The following MBNL1 variants were observed in gnomAD, a reference collection of about 807,000 sequenced individuals.
The protein encoded by MBNL1 is muscleblind-like protein 1.
A neutral mutation model predicts 42.2 loss-of-function variants in MBNL1; 8 were observed. That is an observed-to-expected ratio of 0.19 (90% CI 0.11 to 0.34). MBNL1 has a LOEUF of 0.34. Among genes scored for constraint, MBNL1 ranks in the 10% least tolerant of loss-of-function variants. MBNL1 has a pLI of 1.00. For missense variants in MBNL1, 309 were observed against 495.3 expected, an observed-to-expected ratio of 0.62 and a Z score of 3.57; for synonymous variants, 169 against 173.9, an observed-to-expected ratio of 0.97 and a Z score of 0.22.
At chr3:152,332,723 TGTGTGTGTGTGTGTGTGCGCGCGC>T (rs2085766280) in intron 2 of MBNL1, among the ~76,000 whole-genome samples, 1 of 129,226 alleles carries the variant, frequency 7.7e-6, no homozygotes, top group African/African-American at 3.2e-5. Flanking sequence ...TGTGTGTGTG[TGTGTGTGTGTGTGTGTGCGCGCGC>T]GCATGCGCAC....
At chr3:152,339,711 A>C (rs567246476) in intron 2 of MBNL1, 4 of 152,218 alleles carry the variant, frequency 2.6e-5, no homozygotes, top group South Asian at 2.1e-4. Context: ...CCAAAAATGC[A>C]ACTTAATTTT....
chr3:152,278,395 C>T (rs1397643375), intron 1 of MBNL1, among the ~76,000 whole-genome samples: 1 of 152,084 alleles, frequency 6.6e-6, no homozygotes, highest in Admixed American at 6.6e-5. Context: ...GGAGTAGTCT[C>T]TCTGAAGCAT....
At chr3:152,296,137 T>C (rs747910113) in intron 1 of MBNL1, among the ~76,000 whole-genome samples, 3 of 152,160 alleles carry the variant, frequency 2.0e-5, no homozygotes, top group Non-Finnish European at 4.4e-5. Context: ...GATGACTCTT[T>C]AGATATTTGC....
intron 2 of MBNL1, among the ~76,000 whole-genome samples, chr3:152,355,881 C>T (rs2095478836): frequency 6.6e-6 from 1 of 152,322 alleles, no homozygotes; most frequent in Non-Finnish European, 1.5e-5. Context: ...AAAATCATAG[C>T]ATGCGGAAGC....
chr3:152,404,095 G>A (rs1203638070), intron 2 of MBNL1, among the ~76,000 whole-genome samples: 2 of 152,182 alleles, frequency 1.3e-5, no homozygotes, highest in Non-Finnish European at 2.9e-5. Context: ...TGTGAGGTCA[G>A]AAATTGACAG....
At chr3:152,257,153 C>CGT (rs2035563507) in intron 2 of MBNL1, among the ~76,000 whole-genome samples, 1 of 152,038 alleles carries the variant, frequency 6.6e-6, no homozygotes, top group Admixed American at 6.6e-5. Context: ...TTTTTAAGTG[C>CGT]GTGTGTGTGA....
chr3:152,385,648 A>G (rs1238565080), intron 2 of MBNL1, among the ~76,000 whole-genome samples: 3 of 152,110 alleles, frequency 2.0e-5, no homozygotes, highest in African/African-American at 7.2e-5. Context: ...TATGCATAAT[A>G]AATCAAGACA....
intron 1 of MBNL1, among the ~76,000 whole-genome samples, chr3:152,270,056 C>G (rs1305273171): frequency 6.6e-6 from 1 of 151,958 alleles, no homozygotes; most frequent in Non-Finnish European, 1.5e-5. Context: ...CACTTTACAA[C>G]TACAGGGGTG....
intron 2 of MBNL1, among the ~76,000 whole-genome samples, chr3:152,389,232 G>T (rs2097571724): frequency 6.6e-6 from 1 of 152,076 alleles, no homozygotes; most frequent in Non-Finnish European, 1.5e-5. Flanking sequence ...GGGACTACAG[G>T]CATGCATCAC....
intron 2 of MBNL1, among the ~76,000 whole-genome samples, chr3:152,402,187 A>G (rs9917622): frequency 0.35 from 52,524 of 151,982 alleles, 9,276 homozygotes; most frequent in Middle Eastern, 0.43. Context: ...AATTGACCTG[A>G]GTGATGGGAA....
intron 4 of MBNL1, among the ~76,000 whole-genome samples, chr3:152,435,543 A>C (rs908440095): frequency 6.6e-6 from 1 of 152,116 alleles, no homozygotes; most frequent in Non-Finnish European, 1.5e-5. Context: ...ATTCCATATG[A>C]ATTTTTAAAT....
At chr3:152,382,712 G>A (rs972466634) in intron 2 of MBNL1, among the ~76,000 whole-genome samples, 1 of 152,092 alleles carries the variant, frequency 6.6e-6, no homozygotes. Context: ...GTTTCTTTCT[G>A]TTCCATTATC....
intron 2 of MBNL1, among the ~76,000 whole-genome samples, chr3:152,330,211 T>G (rs2083382762): frequency 6.6e-6 from 1 of 152,116 alleles, no homozygotes; most frequent in Admixed American, 6.6e-5. Flanking sequence ...AACTTCTGGG[T>G]TCAAGCGATC....
At chr3:152,396,146 A>G in intron 2 of MBNL1, 1 of 341,594 alleles carries the variant, frequency 2.9e-6, no homozygotes, top group East Asian at 1.1e-4. Flanking sequence ...ATGATCAGTC[A>G]CTGTCTCCTG....
At chr3:152,425,511 G>A (rs1459112678) in intron 3 of MBNL1, among the ~76,000 whole-genome samples, 6 of 151,998 alleles carry the variant, frequency 3.9e-5, no homozygotes, top group African/African-American at 1.4e-4. Flanking sequence ...AGGAGGCTGA[G>A]GCAAGAGAAT....
chr3:152,378,370 CAA>C (rs965428125), intron 2 of MBNL1, among the ~76,000 whole-genome samples: 2 of 151,984 alleles, frequency 1.3e-5, no homozygotes, highest in African/African-American at 4.8e-5. Flanking sequence ...TCTAGCTACT[CAA>C]GAGAGATATA....
At chr3:152,344,061 C>A (rs35497717) in intron 2 of MBNL1, among the ~76,000 whole-genome samples, 1 of 31,816 alleles carries the variant, frequency 3.1e-5, no homozygotes, top group Non-Finnish European at 7.2e-5. Context: ...AAAAGATGAC[C>A]TTTTTTTGGG....
chr3:152,414,633 A>G (rs969034486), intron 2 of MBNL1, among the ~76,000 whole-genome samples: 7 of 152,266 alleles, frequency 4.6e-5, no homozygotes, highest in South Asian at 2.1e-4. Flanking sequence ...TTGATATTCT[A>G]TGTTTTAGTA....
At chr3:152,432,599 G>C in intron 3 of MBNL1, 118 bp from the exon 4 acceptor site, 1 of 818,074 alleles carries the variant, frequency 1.2e-6, no homozygotes, top group Non-Finnish European at 2.1e-6. Context: ...GGATTAAAGG[G>C]AAGGAGGGAA....
Sources: gnomAD v4.1 joint callset for allele counts (sites outside exome capture counted in the v4.1 genomes callset) on GRCh38, gnomAD v4.1.1 for gene constraint, MANE v1.5 for transcripts, NCBI Gene and HGNC (gene_info 2026-07-23, HGNC 2026-07-21) for gene names.